The following OPN3 variants were observed in gnomAD, a reference collection of about 807,000 sequenced individuals.
OPN3 encodes the protein opsin-3.
In OPN3, 29 loss-of-function variants were observed where a neutral mutation model predicts 33.8. The ratio of observed to expected loss-of-function variants is 0.86; its 90% CI spans 0.64 to 1.17. The LOEUF (loss-of-function observed/expected upper bound fraction) is 1.17. Ranked by LOEUF, OPN3 falls within the 50% of genes most tolerant of loss-of-function variation. OPN3 has a pLI of 0.00. For missense variants in OPN3, 437 were observed against 514.1 expected, an observed-to-expected ratio of 0.85 and a Z score of 1.45; for synonymous variants, 216 against 216.1, an observed-to-expected ratio of 1.00 and a Z score of 0.00.
chr1:241,634,789 T>C (rs758524201), intron 1 of OPN3: 1 of 1,613,862 alleles, frequency 6.2e-7, no homozygotes, highest in East Asian at 2.2e-5. Flanking sequence ...TTTTAGTTTT[T>C]AAGTATTCTG....
intron 1 of OPN3, among the ~76,000 whole-genome samples, chr1:241,626,057 T>C (rs1383115872): frequency 1.3e-5 from 2 of 152,254 alleles, no homozygotes; most frequent in African/African-American, 2.4e-5. Flanking sequence ...GAACCTCTTA[T>C]ATCTAAATGT....
chr1:241,635,084 C>T, intron 1 of OPN3: 1 of 1,612,762 alleles, frequency 6.2e-7, no homozygotes, highest in Middle Eastern at 1.6e-4. Flanking sequence ...AATATTAAAC[C>T]TCCTGCCTTC....
rs765676878 is a variant in OPN3, at chr1:241,634,150, G to A, written c.373+5732C>T. 24 of 1,613,452 alleles carry A rather than the reference G, an allele frequency of 1.5e-5. No individual in the cohort carries two copies. The Middle Eastern group carries it at 5.0e-4, about 33-fold the overall frequency. ...GTCTTGGCTTTGTAAGTTCTTCCTC[G>A]TTTATTTCTGTTTCAGTATACGGAG... On this transcript the variant is annotated intron_variant, in intron 1 of 3. Coordinates refer to ENST00000366554, the MANE Select transcript of OPN3 (RefSeq NM_014322.3).
chr1:241,598,236 A>G (rs1173351412), intron 2 of OPN3, among the ~76,000 whole-genome samples: 1 of 151,908 alleles, frequency 6.6e-6, no homozygotes, highest in East Asian at 1.9e-4. Context: ...AGCCTCCTAC[A>G]TCCTTCAGTG....
intron 1 of OPN3, among the ~76,000 whole-genome samples, chr1:241,627,559 A>G (rs991957940): frequency 2.0e-5 from 3 of 152,230 alleles, no homozygotes; most frequent in African/African-American, 7.2e-5. Flanking sequence ...AGAGAAAAGT[A>G]TTCCTACAAG....
chr1:241,606,587 A>AAATT (rs1353989870), intron 1 of OPN3, among the ~76,000 whole-genome samples: 2 of 128,610 alleles, frequency 1.6e-5, no homozygotes, highest in Non-Finnish European at 3.4e-5. Context: ...ATAAATAAAT[A>AAATT]AAATAAATAA....
At chr1:241,598,671 G>A (rs982225316) in intron 2 of OPN3, among the ~76,000 whole-genome samples, 1 of 152,160 alleles carries the variant, frequency 6.6e-6, no homozygotes, top group Admixed American at 6.5e-5. Context: ...AAGGGATGGA[G>A]GAGTAATGAT....
At chr1:241,631,829 T>TA (rs1664645239) in intron 1 of OPN3, 3 of 152,156 alleles carry the variant, frequency 2.0e-5, no homozygotes, top group Admixed American at 2.0e-4. Flanking sequence ...CCGGCAATGC[T>TA]AGACTAATTT....
intron 1 of OPN3, chr1:241,636,184 C>T: frequency 5.0e-6 from 2 of 402,676 alleles, no homozygotes; most frequent in Admixed American, 4.1e-5. Flanking sequence ...GGACATAAAC[C>T]TCTACTAAAG....
At chr1:241,632,532 T>C (rs964475986) in intron 1 of OPN3, 2 of 152,158 alleles carry the variant, frequency 1.3e-5, no homozygotes, top group Admixed American at 6.5e-5. Context: ...AGCAAGTTCA[T>C]GTCTTCTGAC....
chr1:241,632,980 T>C (rs1311613632), intron 1 of OPN3: 1 of 152,182 alleles, frequency 6.6e-6, no homozygotes, highest in Non-Finnish European at 1.5e-5. Context: ...TCTAAGTTAC[T>C]TATTGGAAGC....
intron 1 of OPN3, among the ~76,000 whole-genome samples, chr1:241,616,560 A>G (rs4660107): frequency 0.29 from 44,682 of 152,068 alleles, 6,816 homozygotes; most frequent in Admixed American, 0.43. Flanking sequence ...AGTATGACAT[A>G]CTTAAGTATG....
chr1:241,640,305 G>T lies in OPN3; in HGVS notation c.-51C>A. On this transcript the variant is annotated 5_prime_UTR_variant, in exon 1 of 4. Coordinates refer to ENST00000366554, the MANE Select transcript of OPN3 (RefSeq NM_014322.3). Reference sequence around the variant, plus strand: ...GCGGAGGCGCTCAGCTTGCGGCGGGGCTCGCGGCGCGCTCCGCACTGGGTG... The same window carrying T: ...GCGGAGGCGCTCAGCTTGCGGCGGGTCTCGCGGCGCGCTCCGCACTGGGTG... The T allele has an allele frequency of 1.8e-6, 2 of 1,108,012 alleles. No individual in the cohort carries two copies. The highest frequency in any genetic ancestry group is 2.2e-6 in the Non-Finnish European group (2 of 912,682). 68.6% of individuals were successfully genotyped at this position (1,108,012 alleles called of 1,614,324 possible). A position where few individuals can be genotyped will look rare whatever the true frequency, so the allele number is the denominator to read the frequency against.
At chr1:241,616,328 G>A (rs2148010345) in intron 1 of OPN3, among the ~76,000 whole-genome samples, 1 of 152,136 alleles carries the variant, frequency 6.6e-6, no homozygotes. Flanking sequence ...GACCTGCAAA[G>A]CTCCCTTCGC....
intron 1 of OPN3, chr1:241,636,121 G>T: frequency 2.4e-6 from 1 of 415,400 alleles, no homozygotes; most frequent in South Asian, 9.7e-5. Flanking sequence ...CAATATAAGA[G>T]AAAAATAATT....
intron 3 of OPN3, among the ~76,000 whole-genome samples, chr1:241,596,267 G>T (rs564110739): frequency 6.8e-4 from 103 of 152,232 alleles, no homozygotes; most frequent in Non-Finnish European, 1.2e-3. Flanking sequence ...GAAAATTAAA[G>T]TTATAAACCA....
chr1:241,612,989 G>C, intron 1 of OPN3, among the ~76,000 whole-genome samples: 1 of 152,022 alleles, frequency 6.6e-6, no homozygotes, highest in East Asian at 1.9e-4. Flanking sequence ...CCGTGCAGCG[G>C]GCATACCATC....
At chr1:241,607,841 G>A (rs1663883442) in intron 1 of OPN3, among the ~76,000 whole-genome samples, 1 of 152,050 alleles carries the variant, frequency 6.6e-6, no homozygotes, top group Admixed American at 6.6e-5. Flanking sequence ...AGCAAATATA[G>A]CAAATAATGG....
At chr1:241,639,779 G>C in intron 1 of OPN3, 103 bp downstream of exon 1, 4 of 1,105,328 alleles carry the variant, frequency 3.6e-6, no homozygotes, top group South Asian at 3.9e-5. Context: ...GGCCGAGCGG[G>C]AAGCGGTGCG....
Sources: gnomAD v4.1 joint callset for allele counts (sites outside exome capture counted in the v4.1 genomes callset) on GRCh38, gnomAD v4.1.1 for gene constraint, MANE v1.5 for transcripts, NCBI Gene and HGNC (gene_info 2026-07-23, HGNC 2026-07-21) for gene names.